MAPK10: variants seen among roughly 807,000 people sequenced by gnomAD.
The protein encoded by MAPK10 is mitogen-activated protein kinase 10, also known as JNK3 alpha protein kinase.
A neutral mutation model predicts 59.3 loss-of-function variants in MAPK10; 25 were observed. The ratio of observed to expected loss-of-function variants is 0.42; its 90% CI spans 0.31 to 0.59. The LOEUF (loss-of-function observed/expected upper bound fraction) is 0.59, where lower values mean the gene tolerates loss of function less well. Ranked by LOEUF, MAPK10 falls within the 20% of genes least tolerant of loss-of-function variation. The pLI, the probability that MAPK10 is intolerant of heterozygous loss-of-function variation, is 0.15. For synonymous variants in MAPK10, 190 were observed against 200.5 expected (o/e 0.95, Z 0.44); for missense variants, 351 against 568.9 (o/e 0.62, Z 3.90).
At chr4:86,114,959 C>T (rs938999798) in intron 4 of MAPK10, among the ~76,000 whole-genome samples, 3 of 152,266 alleles carry the variant, frequency 2.0e-5, no homozygotes, top group Non-Finnish European at 2.9e-5. Flanking sequence ...TCTGCCACAG[C>T]CACTGTGATG....
chr4:86,115,171 T>C (rs941878782), intron 4 of MAPK10, among the ~76,000 whole-genome samples: 2 of 152,170 alleles, frequency 1.3e-5, no homozygotes, highest in Non-Finnish European at 2.9e-5. Context: ...CCAAAGGCCT[T>C]GGTGATGTGG....
intron 9 of MAPK10, chr4:86,081,481 G>T (rs551694325): frequency 6.6e-6 from 1 of 151,522 alleles, no homozygotes; most frequent in East Asian, 1.9e-4. Flanking sequence ...ATTATATAAG[G>T]AATGTCTACT....
chr4:86,167,443 G>A (rs1193287557), intron 3 of MAPK10, among the ~76,000 whole-genome samples: 1 of 152,156 alleles, frequency 6.6e-6, no homozygotes, highest in Non-Finnish European at 1.5e-5. Flanking sequence ...CAATATTCCT[G>A]ATGAACATCG....
chr4:86,550,446 C>T (rs1196343599), intron 1 of MAPK10, among the ~76,000 whole-genome samples: 1 of 139,844 alleles, frequency 7.2e-6, no homozygotes, highest in Non-Finnish European at 1.5e-5. Context: ...CGCCTGTAAT[C>T]CCAGCACTTT....
Position 86,494,842 on chromosome 4 carries a change from C to CAA in MAPK10, c.-263+99066_-263+99067dup, listed in dbSNP as rs567947232. Among the ~76,000 whole-genome samples the CAA allele has an allele frequency of 1.1e-3, 27 of 23,968 alleles. 9 individuals are homozygous for CAA. Among genetic ancestry groups the CAA allele is most frequent in the African/African-American group, 3.1e-3 (13 of 4,204 alleles). 15.7% of individuals were successfully genotyped at this position (23,968 alleles called of 152,430 possible). A position where few individuals can be genotyped will look rare whatever the true frequency, so the allele number is the denominator to read the frequency against. On this transcript the variant is annotated intron_variant, in intron 1 of 4. Transcript: ENST00000502302. ...TGGGCGACAGAGAGAGACTCCGTCT[C>CAA]AAAAAAAAAAAAAAAAAAAAAAAAA...
intron 1 of MAPK10, among the ~76,000 whole-genome samples, chr4:86,402,273 A>G (rs1743825941): frequency 6.6e-6 from 1 of 152,182 alleles, no homozygotes; most frequent in Non-Finnish European, 1.5e-5. Flanking sequence ...CTGATAAAAG[A>G]GTTTGAGTGT....
chr4:86,150,308 AAG>A (rs1286763928), intron 4 of MAPK10, among the ~76,000 whole-genome samples: 1 of 152,190 alleles, frequency 6.6e-6, no homozygotes, highest in African/African-American at 2.4e-5. Context: ...GAAAAAGGGT[AAG>A]AGGGGGTCAA....
chr4:86,413,266 C>T (rs972504863), intron 1 of MAPK10, among the ~76,000 whole-genome samples: 2 of 152,146 alleles, frequency 1.3e-5, no homozygotes, highest in Admixed American at 1.3e-4. Flanking sequence ...CTGCCTGATC[C>T]TTCCTCTGGA....
At chr4:86,531,936 C>T (rs1300453027) in intron 1 of MAPK10, among the ~76,000 whole-genome samples, 2 of 151,928 alleles carry the variant, frequency 1.3e-5, no homozygotes, top group South Asian at 2.1e-4. Flanking sequence ...CACCTGTAAT[C>T]CCAGCTATTC....
At chr4:86,409,162 C>G (rs978792212) in intron 1 of MAPK10, among the ~76,000 whole-genome samples, 1 of 152,136 alleles carries the variant, frequency 6.6e-6, no homozygotes, top group African/African-American at 2.4e-5. Context: ...ATAGGGAATC[C>G]TTTCCCCATG....
At chr4:86,157,401 T>C (rs1460912373) in intron 4 of MAPK10, among the ~76,000 whole-genome samples, 2 of 151,974 alleles carry the variant, frequency 1.3e-5, no homozygotes, top group Admixed American at 6.6e-5. Flanking sequence ...CCATGTTGTA[T>C]TTCTGCTCCA....
At chr4:86,590,630 T>A (rs1021913177) in intron 1 of MAPK10, among the ~76,000 whole-genome samples, 6 of 151,782 alleles carry the variant, frequency 4.0e-5, no homozygotes, top group South Asian at 2.1e-4. Flanking sequence ...AAAACTTTTT[T>A]AAAAAATTAG....
intron 2 of MAPK10, among the ~76,000 whole-genome samples, chr4:86,311,067 CAT>C (rs796432659): frequency 1.8e-3 from 267 of 151,248 alleles, no homozygotes; most frequent in Middle Eastern, 6.8e-3. Flanking sequence ...CACACACACA[CAT>C]ACATGCACCC....
intron 3 of MAPK10, among the ~76,000 whole-genome samples, chr4:86,186,931 C>T (rs1038919758): frequency 2.6e-5 from 4 of 152,092 alleles, no homozygotes; most frequent in African/African-American, 9.7e-5. Flanking sequence ...CACCTTCTTA[C>T]TTTCCCTTCT....
chr4:86,154,603 C>T (rs187029435), intron 4 of MAPK10, among the ~76,000 whole-genome samples: 169 of 152,128 alleles, frequency 1.1e-3, no homozygotes, highest in African/African-American at 3.8e-3. Flanking sequence ...CTAAAAGTCA[C>T]GACAATTTCA....
intron 1 of MAPK10, among the ~76,000 whole-genome samples, chr4:86,449,325 A>G (rs535927214): frequency 1.5e-3 from 230 of 152,350 alleles, no homozygotes; most frequent in Non-Finnish European, 2.3e-3. Context: ...AAAAAACACT[A>G]CAAATGTCTT....
chr4:86,096,829 G>C (rs2054307920), intron 9 of MAPK10, among the ~76,000 whole-genome samples: 1 of 151,880 alleles, frequency 6.6e-6, no homozygotes, highest in African/African-American at 2.4e-5. Flanking sequence ...TTCCTAAGTA[G>C]CCATATGAAA....
At chr4:86,097,650 T>A (rs575443554) in intron 9 of MAPK10, among the ~76,000 whole-genome samples, 1 of 152,058 alleles carries the variant, frequency 6.6e-6, no homozygotes, top group Non-Finnish European at 1.5e-5. Flanking sequence ...TGTAGTAAGG[T>A]ATTTTTGTAT....
Position 86,128,790 on chromosome 4 carries a change from T to C in MAPK10, c.237-21438A>G, listed in dbSNP as rs140250604. On this transcript the variant is annotated intron_variant, in intron 4 of 13. Coordinates refer to ENST00000641462, the MANE Select transcript of MAPK10 (RefSeq NM_138982.4). ...ACAACACATATTGGAAAAATTAAGATATAACTGACATCACTTGCTGTGATG... is the reference window on the plus strand; with the variant it reads ...ACAACACATATTGGAAAAATTAAGACATAACTGACATCACTTGCTGTGATG... 5.7e-3 allele frequency among the ~76,000 whole-genome samples: 865 copies of C among 152,228 alleles called. 5 individuals carry two copies. Among genetic ancestry groups the C allele is most frequent in the African/African-American group, 0.02 (816 of 41,560 alleles).
Sources: gnomAD v4.1 joint callset for allele counts (sites outside exome capture counted in the v4.1 genomes callset) on GRCh38, gnomAD v4.1.1 for gene constraint, MANE v1.5 for transcripts, NCBI Gene and HGNC (gene_info 2026-07-23, HGNC 2026-07-21) for gene names.